The following ELP4 variants were observed in gnomAD, a reference collection of about 807,000 sequenced individuals.
The protein encoded by ELP4 is elongator complex protein 4.
A neutral mutation model predicts 48.9 loss-of-function variants in ELP4; 51 were observed. That is an observed-to-expected ratio of 1.04 (90% CI 0.83 to 1.32). ELP4 has a LOEUF of 1.32. Ranked by LOEUF, ELP4 falls within the 40% of genes most tolerant of loss-of-function variation. The probability of loss-of-function intolerance (pLI) is 0.00; values close to 1 mark genes in which losing one functional copy is unlikely to be tolerated. For synonymous variants in ELP4, 210 were observed against 189.2 expected (o/e 1.11, Z -0.90); for missense variants, 519 against 514.6 (o/e 1.01, Z -0.08).
chr11:31,749,478 G>T (rs1663979129), intron 9 of ELP4, among the ~76,000 whole-genome samples: 1 of 152,122 alleles, frequency 6.6e-6, no homozygotes, highest in Non-Finnish European at 1.5e-5. Flanking sequence ...CAGCAACTTG[G>T]ACCTTAAGTC....
chr11:31,576,370 TAGAC>T (rs1302422109), intron 3 of ELP4, among the ~76,000 whole-genome samples: 2 of 152,092 alleles, frequency 1.3e-5, no homozygotes, highest in Non-Finnish European at 2.9e-5. Context: ...CTGTCAACAT[TAGAC>T]AGATCAACAA....
chr11:31,769,711 G>C (rs1381729425), intron 9 of ELP4, among the ~76,000 whole-genome samples: 1 of 152,002 alleles, frequency 6.6e-6, no homozygotes, highest in Non-Finnish European at 1.5e-5. Context: ...GCAAACATTA[G>C]TTTGAATTCT....
rs1202772700 is a variant in ELP4, at chr11:31,603,377, CAGTT to C, written c.514-386_514-383del. 2.6e-5 allele frequency among the ~76,000 whole-genome samples: 4 copies of C among 151,746 alleles called. No individual in the cohort carries two copies. In the East Asian group the frequency reaches 5.8e-4, roughly 22 times the overall value. ...AGTGAATTAATTGGGTTTAAGTTTT[CAGTT>C]AGTTCTTGGCAACTGCATATTTAAT... On this transcript the variant is annotated intron_variant, in intron 4 of 9. Coordinates refer to ENST00000640961, the MANE Select transcript of ELP4 (RefSeq NM_019040.5).
chr11:31,618,517 G>A (rs1316586712), intron 5 of ELP4, among the ~76,000 whole-genome samples: 1 of 152,034 alleles, frequency 6.6e-6, no homozygotes, highest in African/African-American at 2.4e-5. Context: ...CCATGATGGT[G>A]GAGCCCTTAT....
At chr11:31,557,232 G>T (rs1036619554) in intron 3 of ELP4, among the ~76,000 whole-genome samples, 4 of 151,622 alleles carry the variant, frequency 2.6e-5, no homozygotes, top group Non-Finnish European at 5.9e-5. Flanking sequence ...AATTCGAAGG[G>T]TTTATATTAT....
intron 3 of ELP4, among the ~76,000 whole-genome samples, chr11:31,547,304 A>C (rs1956747778): frequency 1.3e-5 from 2 of 152,120 alleles, no homozygotes; most frequent in Admixed American, 1.3e-4. Flanking sequence ...TAAAGGGGAT[A>C]TCACCACCGA....
At chr11:31,535,814 A>G (rs913798604) in intron 2 of ELP4, among the ~76,000 whole-genome samples, 8 of 152,154 alleles carry the variant, frequency 5.3e-5, no homozygotes, top group African/African-American at 1.9e-4. Context: ...TTTGCTTTCT[A>G]TAGAATATCG....
intron 9 of ELP4, among the ~76,000 whole-genome samples, chr11:31,742,095 G>A (rs993587050): frequency 4.6e-5 from 7 of 152,162 alleles, no homozygotes; most frequent in African/African-American, 1.2e-4. Context: ...GCTACATGAC[G>A]AATGCAGAAG....
intron 2 of ELP4, among the ~76,000 whole-genome samples, chr11:31,539,373 G>A (rs535246206): frequency 5.9e-4 from 90 of 152,214 alleles, no homozygotes; most frequent in Middle Eastern, 6.8e-3. Context: ...GGAGAATGGC[G>A]TGAACCCAGG....
chr11:31,588,088 G>A (rs1483609323), intron 3 of ELP4, among the ~76,000 whole-genome samples: 1 of 151,810 alleles, frequency 6.6e-6, no homozygotes, highest in Admixed American at 6.6e-5. Flanking sequence ...TTAAAAATTT[G>A]CATAAACTAT....
At chr11:31,660,381 G>A (rs1482691757) in intron 9 of ELP4, among the ~76,000 whole-genome samples, 1 of 152,178 alleles carries the variant, frequency 6.6e-6, no homozygotes, top group Non-Finnish European at 1.5e-5. Context: ...CAAGATCTTT[G>A]TGAAGGGTCA....
chr11:31,729,912 ATTAAGGAAGCCAAC>A (rs1419158566), intron 9 of ELP4, among the ~76,000 whole-genome samples: 1 of 152,216 alleles, frequency 6.6e-6, no homozygotes, highest in Admixed American at 6.5e-5. Context: ...AGATTGTGTT[ATTAAGGAAGCCAAC>A]TTAAGAAAAG....
chr11:31,597,605 C>CTT (rs1038293895), intron 4 of ELP4, among the ~76,000 whole-genome samples: 1 of 152,028 alleles, frequency 6.6e-6, no homozygotes, highest in African/African-American at 2.4e-5. Flanking sequence ...AACCTAAACT[C>CTT]TAAGTTTAGA....
At chr11:31,515,981 G>A (rs750608441) in intron 1 of ELP4, among the ~76,000 whole-genome samples, 1 of 151,960 alleles carries the variant, frequency 6.6e-6, no homozygotes, top group African/African-American at 2.4e-5. Context: ...TGTAGTGGGA[G>A]GTGCCTGTAG....
intron 9 of ELP4, among the ~76,000 whole-genome samples, chr11:31,692,365 C>G (rs1017274237): frequency 6.6e-6 from 1 of 152,120 alleles, no homozygotes; most frequent in Non-Finnish European, 1.5e-5. Context: ...GTGCTATGAT[C>G]TAGAATCTAA....
intron 6 of ELP4, chr11:31,628,436 TACACACACACACAC>T (rs55801807): frequency 6.8e-6 from 1 of 148,134 alleles, no homozygotes; most frequent in Non-Finnish European, 1.5e-5. Context: ...GCAAAAGGAA[TACACACACACACAC>T]ACACACACAC....
chr11:31,654,293 G>A (rs1024407537), intron 9 of ELP4: 10 of 151,516 alleles, frequency 6.6e-5, no homozygotes, highest in African/African-American at 1.5e-4. Context: ...TATTTACTAC[G>A]AATTTTCAAT....
At chr11:31,584,364 G>A (rs1246568356) in intron 3 of ELP4, among the ~76,000 whole-genome samples, 2 of 151,586 alleles carry the variant, frequency 1.3e-5, no homozygotes, top group Admixed American at 6.6e-5. Flanking sequence ...GCTCCCACAA[G>A]GCAATAAAAA....
At chr11:31,744,744 A>C (rs989383519) in intron 9 of ELP4, among the ~76,000 whole-genome samples, 1 of 152,268 alleles carries the variant, frequency 6.6e-6, no homozygotes, top group Admixed American at 6.5e-5. Context: ...GTATCTCAAA[A>C]TAATAAGAGC....
Sources: gnomAD v4.1 joint callset for allele counts (sites outside exome capture counted in the v4.1 genomes callset) on GRCh38, gnomAD v4.1.1 for gene constraint, MANE v1.5 for transcripts, NCBI Gene and HGNC (gene_info 2026-07-23, HGNC 2026-07-21) for gene names.